CYP4F8: variants seen among roughly 807,000 people sequenced by gnomAD.
The protein encoded by CYP4F8 is cytochrome P450 family 4 subfamily F member 8.
CYP4F8 carries 56 observed loss-of-function variants against 55.0 expected under a neutral mutation model. The observed-to-expected ratio is 1.02, with a 90% CI of 0.82 to 1.27. The LOEUF (loss-of-function observed/expected upper bound fraction) is 1.27, where lower values mean the gene tolerates loss of function less well. Ranked by LOEUF, CYP4F8 falls within the 50% of genes most tolerant of loss-of-function variation. The pLI, the probability that CYP4F8 is intolerant of heterozygous loss-of-function variation, is 0.00. For missense variants in CYP4F8, 680 were observed against 682.4 expected (o/e 1.00, Z 0.04); for synonymous variants, 288 against 267.3 (o/e 1.08, Z -0.76).
Position 15,618,104 on chromosome 19 carries a change from G to C in CYP4F8, c.303G>C (p.Leu101Phe), listed in dbSNP as rs756323112. 2 of 1,614,018 alleles carry C rather than the reference G, an allele frequency of 1.2e-6. No homozygotes were observed. Among genetic ancestry groups the C allele is most frequent in the Non-Finnish European group, 1.7e-6 (2 of 1,179,984 alleles). Residue 101 changes from leucine to phenylalanine, a missense_variant, in exon 3 of 13, where the codon TTG becomes TTC. By Grantham distance (22) the Leu-to-Phe change is conservative. Transcript: ENST00000612078. ...GCCCCATCACTCCCATCATCAACTT[G>C]TGCCACCCTGACATCGTCCGATCTG... is the stretch of plus-strand genomic sequence containing the variant. ...WLGPITPIIN[L>F]CHPDIVRSVI...
rs756323112 is a variant in CYP4F8 at position 15,618,104 on chromosome 19, G to T, written c.303G>T (p.Leu101Phe). Reference sequence around the variant, plus strand: ...GCCCCATCACTCCCATCATCAACTTGTGCCACCCTGACATCGTCCGATCTG... The same window carrying T: ...GCCCCATCACTCCCATCATCAACTTTTGCCACCCTGACATCGTCCGATCTG... Reference protein sequence around the residue: ...WLGPITPIINLCHPDIVRSVI... With the variant: ...WLGPITPIINFCHPDIVRSVI... Residue 101 changes from leucine to phenylalanine, a missense_variant, in exon 3 of 13, where the codon TTG becomes TTT. Coordinates refer to ENST00000612078, the MANE Select transcript of CYP4F8 (RefSeq NM_007253.4). The T allele has an allele frequency of 2.5e-6, 4 of 1,613,900 alleles. No individual in the cohort carries two copies. The highest frequency in any genetic ancestry group is 1.3e-5 in the African/African-American group (1 of 74,876).
rs987854535 is a variant in CYP4F8, at chr19:15,623,183, C to A, written c.726C>A (p.Tyr242Ter). ...AACGGAATAACCAGTTCTTCCGGTA[C>A]AAGGACTTCCTGTACTTCCTCACTC... The part of the protein sequence containing the change: ...VVKRNNQFFR[Y>*]KDFLYFLTPC... The change falls in exon 7 of 13, where the codon TAC (tyrosine) becomes TAA (stop). Residue 242 changes from tyrosine (Y) to a stop codon, truncating the protein, a stop_gained. Coordinates refer to ENST00000612078, the MANE Select transcript of CYP4F8 (RefSeq NM_007253.4). LOFTEE classifies it high-confidence loss of function. 8.1e-6 allele frequency: 13 copies of A among 1,613,958 alleles called. No homozygotes were observed. The highest frequency in any genetic ancestry group is 1.1e-5 in the Non-Finnish European group (13 of 1,180,028).
At chr19:15,615,563 C>T in intron 1 of CYP4F8, 53 bp from the exon 2 acceptor site, 2 of 1,582,906 alleles carry the variant, frequency 1.3e-6, no homozygotes, top group South Asian at 2.3e-5. Context: ...TGGAGCTCCC[C>T]AGCCCCTTTC....
rs556499777 is a variant in CYP4F8, at chr19:15,628,549, A to G, written c.1268A>G (p.Asn423Ser). The part of the protein sequence containing the change: ...VIPKGNVCNI[N>S]IFAIHHNPSV... The stretch of plus-strand genomic sequence containing the variant: ...ACGACAGGGAATGTCTGTAACATCA[A>G]CATCTTCGCAATCCATCACAACCCC... Residue 423 changes from asparagine (N) to serine (S), a missense_variant, in exon 11 of 13, where the codon AAC (asparagine) becomes AGC (serine). Coordinates refer to ENST00000612078, the MANE Select transcript of CYP4F8 (RefSeq NM_007253.4). 2.4e-5 allele frequency: 38 copies of G among 1,613,856 alleles called. No homozygotes were observed. The East Asian group carries it at 6.9e-4, about 29-fold the overall frequency.
At chr19:15,622,532 G>A (rs1972208117) in intron 6 of CYP4F8, among the ~76,000 whole-genome samples, 192 bp downstream of exon 6, 1 of 152,136 alleles carries the variant, frequency 6.6e-6, no homozygotes. Context: ...AAGTGGAACT[G>A]TTTGGGTCAA....
At chr19:15,623,481 G>C in intron 7 of CYP4F8, 106 bp downstream of exon 7, 1 of 1,508,166 alleles carries the variant, frequency 6.6e-7, no homozygotes, top group Non-Finnish European at 8.9e-7. Context: ...AGCCATGGAA[G>C]GTGCTCGAAG....
At chr19:15,618,302 C>A (rs760450768) in intron 3 of CYP4F8, 158 bp downstream of exon 3, 73 of 1,120,424 alleles carry the variant, frequency 6.5e-5, no homozygotes, top group Non-Finnish European at 9.1e-5. Context: ...GTCACCAACC[C>A]CAACCTCAGT....
intron 3 of CYP4F8, chr19:15,618,361 A>G: frequency 2.4e-6 from 2 of 823,164 alleles, no homozygotes; most frequent in Non-Finnish European, 4.0e-6. Flanking sequence ...TGTTCTGGGA[A>G]CCACTGGGGC....
In CYP4F8 at chr19:15,624,020, C is replaced by G. The variant is rs764771888; in HGVS notation, c.1041C>G (p.His347Gln). 1.2e-5 allele frequency: 19 copies of G among 1,614,050 alleles called. No individual in the cohort carries two copies. Among genetic ancestry groups the G allele is most frequent in the Non-Finnish European group, 1.6e-5 (19 of 1,180,040 alleles). Residue 347 changes from histidine to glutamine, a missense_variant, in exon 9 of 13, where the codon CAC becomes CAG. His to Gln is a conservative substitution (Grantham distance 24). Transcript: ENST00000612078. ...GGGTCTTGTACAACCTCGCGAGGCACCCAGAATACCAAGAACGCTGCCGGC... is the reference window on the plus strand; with the variant it reads ...GGGTCTTGTACAACCTCGCGAGGCAGCCAGAATACCAAGAACGCTGCCGGC... ...LSWVLYNLAR[H>Q]PEYQERCRQE...
chr19:15,618,336 TC>T, intron 3 of CYP4F8, 192 bp downstream of exon 3: 1 of 917,486 alleles, frequency 1.1e-6, no homozygotes, highest in Non-Finnish European at 1.7e-6. Flanking sequence ...GCTGCCATCT[TC>T]CCCACCTCCG....
At position 15,625,476 on chromosome 19, in the gene CYP4F8, C is replaced by T. The variant is rs1025600640; in HGVS notation, c.1115+1382C>T. Among the ~76,000 whole-genome samples, 3 of 149,918 alleles carry T rather than the reference C, an allele frequency of 2.0e-5. No homozygotes were observed. In the East Asian group the frequency reaches 5.9e-4, roughly 29 times the overall value. On this transcript the variant is annotated intron_variant, in intron 9 of 12. Transcript: ENST00000612078. ...ACAAATAAAACCATATATATATATG[C>T]CTATCTTAGGCATGTATGTATATAT...
intron 8 of CYP4F8, 74 bp from the exon 9 acceptor site, chr19:15,623,891 C>T: frequency 6.3e-7 from 1 of 1,598,490 alleles, no homozygotes; most frequent in Non-Finnish European, 8.5e-7. Flanking sequence ...CTGAGAGCCT[C>T]AATGTATGGG....
At chr19:15,622,460 A>C (rs529833352) in intron 6 of CYP4F8, 120 bp downstream of exon 6, 1 of 1,330,260 alleles carries the variant, frequency 7.5e-7, no homozygotes, top group South Asian at 1.4e-5. Flanking sequence ...TAGGCATTGA[A>C]GGACAAAGAA....
rs772162982 is a variant in CYP4F8, at chr19:15,622,379, T to TG, written c.647+44dup. 4.5e-4 allele frequency: 330 copies of TG among 734,312 alleles called. 8 individuals carry two copies. Among genetic ancestry groups the TG allele is most frequent in the Admixed American group, 4.0e-3 (130 of 32,466 alleles). 45.5% of individuals were successfully genotyped at this position (734,312 alleles called of 1,614,324 possible). A position where few individuals can be genotyped will look rare whatever the true frequency, so the allele number is the denominator to read the frequency against. On this transcript the variant is annotated intron_variant, in intron 6 of 12. Coordinates refer to ENST00000612078, the MANE Select transcript of CYP4F8 (RefSeq NM_007253.4). ...CAGGGCCTGGGAACATGGGATGGAG[T>TG]GGGGGTGTGGGTGTGGGGAGAGCAA...
At chr19:15,615,940 T>TTCCTCTGATCACTCACTCAG in intron 2 of CYP4F8, 126 bp downstream of exon 2, 1 of 961,012 alleles carries the variant, frequency 1.0e-6, no homozygotes, top group Non-Finnish European at 1.4e-6. Context: ...CACTCACTCA[T>TTCCTCTGATCACTCACTCAG]TCCTCTTCCC....
chr19:15,624,825 C>T (rs1011015897), intron 9 of CYP4F8, among the ~76,000 whole-genome samples: 11 of 152,168 alleles, frequency 7.2e-5, no homozygotes, highest in African/African-American at 1.9e-4. Flanking sequence ...TTTCACCTGC[C>T]GATGAGCCAT....
At chr19:15,619,380 G>T (rs541966561) in intron 3 of CYP4F8, 110 bp from the exon 4 acceptor site, 2 of 1,322,616 alleles carry the variant, frequency 1.5e-6, no homozygotes, top group African/African-American at 1.5e-5. Flanking sequence ...TTCCTGCTAT[G>T]CTGGGCTTGG....
In CYP4F8 at chr19:15,623,977, CG is replaced by C. The variant is rs751042242; in HGVS notation, c.1000del (p.Ala334ProfsTer29). 4 of 1,613,996 alleles carry C rather than the reference CG, an allele frequency of 2.5e-6. No individual in the cohort carries two copies. The Admixed American group carries it at 6.7e-5, about 27-fold the overall frequency. ...GGCTGACCCTCAGGCCATGACACCA[CG>C]GCCAGTGGCCTCTCCTGGGTCTTGT... ...DTFMFGGHDT[T>X]ASGLSWVLYN... On this transcript the variant is annotated frameshift_variant, in exon 9 of 13. Coordinates refer to ENST00000612078, the MANE Select transcript of CYP4F8 (RefSeq NM_007253.4). LOFTEE classifies it high-confidence loss of function.
rs543825783 is a variant in CYP4F8, at chr19:15,615,565, G to T, written c.-1-51G>T. ...CCATCATTGGTCCTGGAGCTCCCCA[G>T]CCCCTTTCCTAGGCCTCAGGACCTC... On this transcript the variant is annotated intron_variant, in intron 1 of 12. Coordinates refer to ENST00000612078, the MANE Select transcript of CYP4F8 (RefSeq NM_007253.4). 5 of 1,586,596 alleles carry T rather than the reference G, an allele frequency of 3.2e-6. No individual in the cohort carries two copies. In the Admixed American group the frequency reaches 9.1e-5, roughly 29 times the overall value.
Sources: gnomAD v4.1 joint callset for allele counts (sites outside exome capture counted in the v4.1 genomes callset) on GRCh38, gnomAD v4.1.1 for gene constraint, MANE v1.5 for transcripts, NCBI Gene and HGNC (gene_info 2026-07-23, HGNC 2026-07-21) for gene names.